FLT3: variants seen among roughly 807,000 people sequenced by gnomAD.
FLT3 encodes fms related receptor tyrosine kinase 3, also known as receptor-type tyrosine-protein kinase FLT3.
Under a neutral mutation model 126.6 loss-of-function variants are expected in FLT3, and 46 were observed. The observed-to-expected ratio is 0.36, with a 90% CI of 0.29 to 0.46. The LOEUF is 0.46. Among genes scored for constraint, FLT3 ranks in the 20% least tolerant of loss-of-function variants. FLT3 has a pLI of 1.00. For synonymous variants in FLT3, 404 were observed against 434.4 expected (o/e 0.93, Z 0.87); for missense variants, 1,069 against 1,190.3 (o/e 0.90, Z 1.50).
chr13:28,011,737 TTTC>T (rs1593210674), intron 23 of FLT3, among the ~76,000 whole-genome samples: 4 of 151,122 alleles, frequency 2.6e-5, no homozygotes, highest in Admixed American at 1.3e-4. Context: ...CTCTTTCTTC[TTTC>T]TTTTTTTTCT....
intron 8 of FLT3, 28 bp downstream of exon 8, chr13:28,049,356 T>A (rs1174432325): frequency 1.2e-6 from 2 of 1,600,532 alleles, no homozygotes; most frequent in Non-Finnish European, 1.7e-6. Flanking sequence ...AAAATAGGAA[T>A]AAAGATTGTG....
At chr13:28,089,896 G>A (rs955332510) in intron 1 of FLT3, among the ~76,000 whole-genome samples, 1 of 150,912 alleles carries the variant, frequency 6.6e-6, no homozygotes, top group Non-Finnish European at 1.5e-5. Flanking sequence ...CACCATGCCC[G>A]GCTAAGTTTT....
At chr13:28,027,044 C>G (rs762768197) in intron 17 of FLT3, 44 bp downstream of exon 17, 1 of 1,568,216 alleles carries the variant, frequency 6.4e-7, no homozygotes, top group Non-Finnish European at 8.7e-7. Flanking sequence ...ACTTTGCCTA[C>G]GTTCTATGAT....
intron 16 of FLT3, 70 bp downstream of exon 16, chr13:28,028,108 A>C: frequency 1.3e-6 from 1 of 779,022 alleles, no homozygotes; most frequent in South Asian, 1.4e-5. Flanking sequence ...AGAGAGAGAG[A>C]GAGCAAACAT....
At chr13:28,007,814 T>C (rs1181175876) in intron 23 of FLT3, among the ~76,000 whole-genome samples, 1 of 152,198 alleles carries the variant, frequency 6.6e-6, no homozygotes, top group African/African-American at 2.4e-5. Context: ...GCTAATACAT[T>C]AGTAAACTCT....
intron 9 of FLT3, among the ~76,000 whole-genome samples, chr13:28,042,551 G>T (rs1290346630): frequency 6.6e-6 from 1 of 152,136 alleles, no homozygotes. Context: ...CTGTGATTGG[G>T]CAAGTAATTT....
At chr13:28,042,146 A>AAATAATAAT (rs57260336) in intron 9 of FLT3, among the ~76,000 whole-genome samples, 126 of 134,736 alleles carry the variant, frequency 9.4e-4, no homozygotes, top group Middle Eastern at 3.8e-3. Flanking sequence ...CCTCCATCCG[A>AAATAATAAT]AATAATAATA....
At chr13:28,096,825 G>T (rs1470593876) in intron 1 of FLT3, among the ~76,000 whole-genome samples, 1 of 152,084 alleles carries the variant, frequency 6.6e-6, no homozygotes, top group Non-Finnish European at 1.5e-5. Context: ...TTTTCCTGGG[G>T]AAAGGCAATG....
chr13:28,057,612 C>T, intron 3 of FLT3, 150 bp from the exon 4 acceptor site: 1 of 609,084 alleles, frequency 1.6e-6, no homozygotes, highest in Non-Finnish European at 2.9e-6. Context: ...CTGTCATGTG[C>T]CCAGCACTCA....
intron 1 of FLT3, among the ~76,000 whole-genome samples, chr13:28,099,117 G>C (rs2137841377): frequency 6.6e-6 from 1 of 152,294 alleles, no homozygotes; most frequent in South Asian, 2.1e-4. Context: ...TCTGGAGAGA[G>C]AGACATAGAA....
intron 21 of FLT3, 45 bp from the exon 22 acceptor site, chr13:28,015,301 A>G (rs1237983058): frequency 8.1e-7 from 1 of 1,237,902 alleles, no homozygotes; most frequent in Non-Finnish European, 1.2e-6. Context: ...CCATTTCTTC[A>G]TTTGTTTATT....
intron 8 of FLT3, among the ~76,000 whole-genome samples, chr13:28,048,875 A>G (rs1296891369): frequency 1.3e-5 from 2 of 152,188 alleles, no homozygotes; most frequent in African/African-American, 4.8e-5. Flanking sequence ...CGGCATTTTC[A>G]TTATGGCTGA....
chr13:28,098,656 T>G (rs1007895973), intron 1 of FLT3, among the ~76,000 whole-genome samples: 1 of 152,116 alleles, frequency 6.6e-6, no homozygotes, highest in East Asian at 1.9e-4. Context: ...CCACCATATA[T>G]AAAACAATGT....
In FLT3 at chr13:28,018,609, A is replaced by C. The variant is rs754803842; in HGVS notation, c.2419-20T>G. 37 of 1,613,136 alleles carry C rather than the reference A, an allele frequency of 2.3e-5. No homozygotes were observed. Among genetic ancestry groups the C allele is most frequent in the Non-Finnish European group, 3.1e-5 (36 of 1,179,310 alleles). On this transcript the variant is annotated intron_variant, in intron 19 of 23. Coordinates refer to ENST00000241453, the MANE Select transcript of FLT3 (RefSeq NM_004119.3). ...AACACACTGTCAAGAATGACACCAGAGTGTTATTTACTGTGATGTGTATTA... is the reference window on the plus strand; with the variant it reads ...AACACACTGTCAAGAATGACACCAGCGTGTTATTTACTGTGATGTGTATTA...
intron 18 of FLT3, among the ~76,000 whole-genome samples, chr13:28,024,324 G>A (rs1311186484): frequency 6.6e-6 from 1 of 151,938 alleles, no homozygotes; most frequent in Non-Finnish European, 1.5e-5. Context: ...TAGAGACAAG[G>A]TTTCTCCATG....
Position 28,014,509 on chromosome 13 carries a change from T to C in FLT3, c.2802A>G (p.Pro934=), listed in dbSNP as rs746521853. ...AAAACGAAGTCAAATTAGGGAAGGA[T>C]GGCCGTTTCCTTGAGTCAAAAGCCC... ...SCWAFDSRKR[P]SFPNLTSFLG... is the part of the protein sequence containing the mutation. The change falls in exon 23 of 24, where the codon CCA becomes CCG. Residue 934 remains proline (P), a synonymous_variant. Transcript: ENST00000241453. 1 of 1,614,018 alleles carries C rather than the reference T, an allele frequency of 6.2e-7. No homozygotes were observed. Among genetic ancestry groups the C allele is most frequent in the Non-Finnish European group, 8.5e-7 (1 of 1,179,980 alleles).
chr13:28,010,301 A>ATT (rs1871247596), intron 23 of FLT3, among the ~76,000 whole-genome samples: 1 of 152,194 alleles, frequency 6.6e-6, no homozygotes, highest in Non-Finnish European at 1.5e-5. Context: ...AGGAAACAGT[A>ATT]TTTACCCTTG....
chr13:28,029,252 C>T (rs879340241), intron 15 of FLT3, among the ~76,000 whole-genome samples: 15 of 152,120 alleles, frequency 9.9e-5, no homozygotes, highest in Non-Finnish European at 2.2e-4. Context: ...ATTAGCCGGG[C>T]GTGCCGGTGC....
chr13:28,006,084 T>C (rs1000194439), intron 23 of FLT3, among the ~76,000 whole-genome samples: 2 of 152,106 alleles, frequency 1.3e-5, no homozygotes, highest in Non-Finnish European at 2.9e-5. Context: ...CATAGCAAGA[T>C]CCTGTCTCTA....
Sources: gnomAD v4.1 joint callset for allele counts (sites outside exome capture counted in the v4.1 genomes callset) on GRCh38, gnomAD v4.1.1 for gene constraint, MANE v1.5 for transcripts, NCBI Gene and HGNC (gene_info 2026-07-23, HGNC 2026-07-21) for gene names.